Variants in CUEDC1 observed in about 807,000 individuals in gnomAD.
The protein encoded by CUEDC1 is CUE domain-containing protein 1.
Under a neutral mutation model 43.7 loss-of-function variants are expected in CUEDC1, and 30 were observed. The observed-to-expected ratio is 0.69, with a 90% CI of 0.51 to 0.93. CUEDC1 has a LOEUF of 0.93. CUEDC1 is among the 40% of genes least tolerant of loss of function. The pLI is 0.00. For missense variants in CUEDC1, 486 were observed against 549.0 expected (o/e 0.89, Z 1.15); for synonymous variants, 223 against 223.6 (o/e 1.00, Z 0.02).
chr17:57,865,252 C>T (rs981021054), intron 10 of CUEDC1, among the ~76,000 whole-genome samples: 4 of 152,112 alleles, frequency 2.6e-5, no homozygotes, highest in Non-Finnish European at 4.4e-5. Context: ...GGAAGTGGGC[C>T]GCGGCTTTGT....
intron 2 of CUEDC1, among the ~76,000 whole-genome samples, chr17:57,883,069 C>T (rs2074237210): frequency 6.6e-6 from 1 of 152,168 alleles, no homozygotes; most frequent in Non-Finnish European, 1.5e-5. Flanking sequence ...CTCTCTCTCT[C>T]TCCTTCTTTC....
At chr17:57,917,950 A>G (rs1213315803) in intron 1 of CUEDC1, among the ~76,000 whole-genome samples, 1 of 152,008 alleles carries the variant, frequency 6.6e-6, no homozygotes, top group Non-Finnish European at 1.5e-5. Flanking sequence ...CTGTGTAGTC[A>G]CTCTCCTGTT....
In CUEDC1 at chr17:57,954,929, C is replaced by G. The variant is rs1237328197; in HGVS notation, c.-316+296G>C. ...CGCGCCCCCCGGTCTAATCGCGCGC[C>G]CCGCTCCCGGCCCCCCAGATGCCCG... On this transcript the variant is annotated intron_variant, in intron 1 of 10. Transcript: ENST00000577830. The surrounding 1 kb of genome is among the most constrained non-coding windows in gnomAD (Gnocchi z 4.3). Among the ~76,000 whole-genome samples the G allele has an allele frequency of 6.6e-6, 1 of 151,742 alleles. No individual in the cohort carries two copies. Among genetic ancestry groups the G allele is most frequent in the Non-Finnish European group, 1.5e-5 (1 of 67,866 alleles).
intron 1 of CUEDC1, among the ~76,000 whole-genome samples, chr17:57,932,156 C>A (rs2074810266): frequency 6.6e-6 from 1 of 151,840 alleles, no homozygotes; most frequent in Admixed American, 6.6e-5. Flanking sequence ...GTGGTACATG[C>A]CTGTAATCCC....
chr17:57,920,474 C>A (rs1423825865), intron 1 of CUEDC1, among the ~76,000 whole-genome samples: 2 of 152,106 alleles, frequency 1.3e-5, no homozygotes, highest in African/African-American at 4.8e-5. Flanking sequence ...TTATAATAAT[C>A]CATCAGCAAC....
intron 1 of CUEDC1, among the ~76,000 whole-genome samples, chr17:57,894,534 GGTGGCGCAT>G (rs1271553792): frequency 6.6e-6 from 1 of 152,044 alleles, no homozygotes; most frequent in African/African-American, 2.4e-5. Flanking sequence ...AGCCCAGTGT[GGTGGCGCAT>G]GCCTGTAATC....
At position 57,930,799 on chromosome 17, in the gene CUEDC1, C is replaced by T. The variant is rs762361483; in HGVS notation, c.-316+24426G>A. On this transcript the variant is annotated intron_variant, in intron 1 of 10. Coordinates refer to ENST00000577830, the MANE Select transcript of CUEDC1 (RefSeq NM_001271875.2). The surrounding 1 kb of genome is among the most constrained non-coding windows in gnomAD (Gnocchi z 4.2). ...AGGGCAGAAATGACCCCTCTGTGAC[C>T]GCTCCTGTAGCCAGAAAGAGCCACA... Among the ~76,000 whole-genome samples, 1 of 152,138 alleles carries T rather than the reference C, an allele frequency of 6.6e-6. No homozygotes were observed. The highest frequency in any genetic ancestry group is 2.1e-4 in the South Asian group (1 of 4,820).
intron 1 of CUEDC1, among the ~76,000 whole-genome samples, chr17:57,935,273 A>T (rs1454703207): frequency 2.0e-5 from 3 of 152,164 alleles, no homozygotes; most frequent in Non-Finnish European, 4.4e-5. Context: ...TGCTTCAGGC[A>T]GCCCTGGCTG....
chr17:57,888,590 C>G (rs749431758), intron 1 of CUEDC1, among the ~76,000 whole-genome samples: 1 of 152,200 alleles, frequency 6.6e-6, no homozygotes, highest in Non-Finnish European at 1.5e-5. Flanking sequence ...ACCCCAACAC[C>G]CCTACACCCA....
At chr17:57,900,713 T>C (rs571373508) in intron 1 of CUEDC1, among the ~76,000 whole-genome samples, 3 of 152,224 alleles carry the variant, frequency 2.0e-5, no homozygotes, top group South Asian at 4.1e-4. Flanking sequence ...CTGCGCCACA[T>C]TGAAATTGCA....
intron 1 of CUEDC1, among the ~76,000 whole-genome samples, chr17:57,933,402 G>T (rs1424055296): frequency 6.6e-6 from 1 of 152,194 alleles, no homozygotes; most frequent in East Asian, 1.9e-4. Flanking sequence ...AAAGCTGTAT[G>T]CAGTGCCTCT....
Position 57,885,510 on chromosome 17 carries a change from C to G in CUEDC1, c.55G>C (p.Gly19Arg), listed in dbSNP as rs1040533099. 3 of 1,441,396 alleles carry G rather than the reference C, an allele frequency of 2.1e-6. No individual in the cohort carries two copies. The East Asian group carries it at 8.1e-5, about 39-fold the overall frequency. The allele number at this position is 1,441,396 out of a possible 1,614,324, so 89.3% of individuals were successfully genotyped here. The change falls in exon 2 of 11, where the codon GGG becomes CGG. Residue 19 changes from glycine (G) to arginine (R), a missense_variant. Physicochemically the swap from Gly to Arg is moderately radical, Grantham distance 125. Transcript: ENST00000577830. Reference sequence around the variant, plus strand: ...GTGCCTCCCCCGCCCCCGCGTGCCCCGGCGGTGCCACCCCCGCCGCTGCCG... The same window carrying G: ...GTGCCTCCCCCGCCCCCGCGTGCCCGGGCGGTGCCACCCCCGCCGCTGCCG... ...SSGSGGGGTA[G>R]ARGGGGGTAA...
intron 1 of CUEDC1, among the ~76,000 whole-genome samples, chr17:57,953,430 G>C (rs1455185142): frequency 6.6e-6 from 1 of 152,186 alleles, no homozygotes; most frequent in Non-Finnish European, 1.5e-5. Context: ...TGCATAGGGA[G>C]GTCATGAGAA....
chr17:57,953,732 C>T (rs1389768710), intron 1 of CUEDC1, among the ~76,000 whole-genome samples: 1 of 152,158 alleles, frequency 6.6e-6, no homozygotes, highest in Non-Finnish European at 1.5e-5. Flanking sequence ...GGGATACAGC[C>T]CTAGTCATAT....
intron 1 of CUEDC1, among the ~76,000 whole-genome samples, chr17:57,915,422 T>C (rs991443470): frequency 4.0e-5 from 6 of 151,646 alleles, no homozygotes; most frequent in Non-Finnish European, 8.8e-5. Flanking sequence ...GTCAAACACA[T>C]CCTTTGCTAA....
In CUEDC1 at chr17:57,895,067, T is replaced by C. The variant is rs142866962; in HGVS notation, c.-315-9188A>G. ...AGAATAGATAACACTTATTGCCTGC[T>C]TCCTTATATGCTAGCCACTACTCAA... On this transcript the variant is annotated intron_variant, in intron 1 of 10. Transcript: ENST00000577830. Among the ~76,000 whole-genome samples the C allele has an allele frequency of 3.2e-4, 49 of 152,372 alleles. 1 individual carries two copies. Among genetic ancestry groups the C allele is most frequent in the African/African-American group, 1.1e-3 (47 of 41,592 alleles).
At position 57,873,572 on chromosome 17, in the gene CUEDC1, C is replaced by T. The variant is rs752441715; in HGVS notation, c.591+19G>A. 1.4e-5 allele frequency: 21 copies of T among 1,526,824 alleles called. No individual in the cohort carries two copies. Among genetic ancestry groups the T allele is most frequent in the African/African-American group, 2.8e-5 (2 of 71,660 alleles). The allele number at this position is 1,526,824 out of a possible 1,614,324, so 94.6% of individuals were successfully genotyped here. On this transcript the variant is annotated intron_variant, in intron 4 of 10. Coordinates refer to ENST00000577830, the MANE Select transcript of CUEDC1 (RefSeq NM_001271875.2). ...TGGACAAGCAGGTGGGAGTGGAAGG[C>T]GGGGGCGGCCCCTGTTACCTGTATG...
intron 3 of CUEDC1, among the ~76,000 whole-genome samples, chr17:57,878,452 G>A (rs1311120814): frequency 1.3e-5 from 2 of 151,972 alleles, no homozygotes; most frequent in East Asian, 3.9e-4. Context: ...GGGGAGAAGG[G>A]AAGATCTAAC....
intron 1 of CUEDC1, among the ~76,000 whole-genome samples, chr17:57,935,520 C>T (rs1184537523): frequency 6.6e-6 from 1 of 152,128 alleles, no homozygotes; most frequent in African/African-American, 2.4e-5. Flanking sequence ...GGAAATATGC[C>T]TGGGGCCGGG....
Sources: allele counts gnomAD v4.1 joint callset (sites outside exome capture counted in the v4.1 genomes callset), GRCh38; gene constraint gnomAD v4.1.1; non-coding constraint Gnocchi (gnomAD v3.1); transcripts MANE v1.5; gene names NCBI Gene and HGNC (gene_info 2026-07-23, HGNC 2026-07-21).